SH3GL3: variants seen among roughly 807,000 people sequenced by gnomAD.
SH3GL3 encodes SH3 domain containing GRB2 like 3, endophilin A3.
SH3GL3 carries 33 observed loss-of-function variants against 47.7 expected under a neutral mutation model. That is an observed-to-expected ratio of 0.69 (90% CI 0.52 to 0.92). SH3GL3 has a LOEUF of 0.92. Among genes scored for constraint, SH3GL3 ranks in the 40% least tolerant of loss-of-function variants. The pLI is 0.00. For missense variants in SH3GL3, 363 were observed against 417.8 expected (o/e 0.87, Z 1.14); for synonymous variants, 155 against 148.8 (o/e 1.04, Z -0.30).
chr15:83,526,956 G>C (rs2151666571), intron 1 of SH3GL3, among the ~76,000 whole-genome samples: 1 of 152,136 alleles, frequency 6.6e-6, no homozygotes, highest in Admixed American at 6.5e-5. Context: ...TGTATTCCTA[G>C]GTATTTCTTT....
chr15:83,609,232 G>A (rs891066973), intron 8 of SH3GL3: 6 of 455,872 alleles, frequency 1.3e-5, no homozygotes, highest in Non-Finnish European at 2.2e-5. Context: ...ACAATGCAGC[G>A]CTGTTAATGT....
intron 3 of SH3GL3, among the ~76,000 whole-genome samples, chr15:83,566,901 C>A (rs772752186): frequency 6.6e-6 from 1 of 152,110 alleles, no homozygotes; most frequent in Non-Finnish European, 1.5e-5. Context: ...CAACCCAGAC[C>A]GATGGAATCA....
intron 8 of SH3GL3, among the ~76,000 whole-genome samples, chr15:83,599,233 G>T (rs1478079457): frequency 1.3e-5 from 2 of 152,072 alleles, no homozygotes; most frequent in African/African-American, 2.4e-5. Flanking sequence ...TGAGGAACAG[G>T]TGGTATTTGG....
At chr15:83,518,955 A>G (rs1275097468) in intron 1 of SH3GL3, among the ~76,000 whole-genome samples, 1 of 152,066 alleles carries the variant, frequency 6.6e-6, no homozygotes, top group East Asian at 1.9e-4. Flanking sequence ...ATTCTTCTGC[A>G]TGTGGCTAGC....
intron 1 of SH3GL3, among the ~76,000 whole-genome samples, chr15:83,525,363 T>TGTGC (rs932619821): frequency 2.6e-5 from 4 of 151,712 alleles, no homozygotes; most frequent in African/African-American, 9.7e-5. Context: ...TGTGTGTGTG[T>TGTGC]GTGTGTGTGT....
At chr15:83,578,620 G>A (rs2059748295) in intron 6 of SH3GL3, among the ~76,000 whole-genome samples, 1 of 151,422 alleles carries the variant, frequency 6.6e-6, no homozygotes, top group South Asian at 2.1e-4. Context: ...AAACCACTGA[G>A]GCCTGAAAAG....
chr15:83,533,740 AG>A (rs200593472), intron 1 of SH3GL3, among the ~76,000 whole-genome samples: 3,379 of 152,132 alleles, frequency 0.022, 64 homozygotes, highest in Middle Eastern at 0.054. Context: ...GGATGAAAGG[AG>A]GGGAAAGTGG....
chr15:83,485,744 G>A lies in SH3GL3; in HGVS notation c.45+38166G>A, dbSNP rs1273827990. On this transcript the variant is annotated intron_variant, in intron 1 of 8. Coordinates refer to ENST00000427482, the MANE Select transcript of SH3GL3 (RefSeq NM_003027.5). Reference sequence around the variant, plus strand: ...ACTCCTGGGCTCAAGCCATCCTCCCGCCTTGGCCTCCCAGAGTGCTGAGAT... The same window carrying A: ...ACTCCTGGGCTCAAGCCATCCTCCCACCTTGGCCTCCCAGAGTGCTGAGAT... 3.3e-5 allele frequency among the ~76,000 whole-genome samples: 5 copies of A among 152,098 alleles called. No homozygotes were observed. The East Asian group carries it at 5.8e-4, about 18-fold the overall frequency.
chr15:83,492,175 C>T (rs2036015), intron 1 of SH3GL3, among the ~76,000 whole-genome samples: 21,233 of 148,660 alleles, frequency 0.14, 1,820 homozygotes, highest in Middle Eastern at 0.21. Context: ...CCCAGCTACT[C>T]GGGAGGCTGA....
intron 8 of SH3GL3, among the ~76,000 whole-genome samples, chr15:83,598,422 A>G (rs1412156069): frequency 6.6e-6 from 1 of 152,146 alleles, no homozygotes; most frequent in Non-Finnish European, 1.5e-5. Flanking sequence ...TATTCCTCAT[A>G]ATTTCTGGTC....
At chr15:83,536,593 G>A (rs536969277) in intron 1 of SH3GL3, among the ~76,000 whole-genome samples, 1 of 151,872 alleles carries the variant, frequency 6.6e-6, no homozygotes, top group South Asian at 2.1e-4. Context: ...AGTAGAGATA[G>A]GGTTTCACCA....
intron 1 of SH3GL3, among the ~76,000 whole-genome samples, chr15:83,535,453 T>C (rs2043862710): frequency 6.6e-6 from 1 of 152,172 alleles, no homozygotes. Flanking sequence ...ATTGTCCTTA[T>C]CAGGCCTAGG....
intron 5 of SH3GL3, among the ~76,000 whole-genome samples, chr15:83,576,096 ATTGT>A (rs1425924025): frequency 3.9e-5 from 6 of 152,020 alleles, no homozygotes; most frequent in Non-Finnish European, 8.8e-5. Flanking sequence ...TTATTTCTTG[ATTGT>A]TTGGGAACTT....
intron 1 of SH3GL3, among the ~76,000 whole-genome samples, chr15:83,547,182 G>A (rs1217422602): frequency 1.3e-5 from 2 of 152,194 alleles, no homozygotes; most frequent in African/African-American, 4.8e-5. Flanking sequence ...TAGGACCCCA[G>A]AACACTTTAT....
intron 8 of SH3GL3, among the ~76,000 whole-genome samples, chr15:83,612,865 C>G (rs754530270): frequency 6.6e-6 from 1 of 152,226 alleles, no homozygotes; most frequent in Non-Finnish European, 1.5e-5. Flanking sequence ...CTCTCTCTCT[C>G]GCTCTTAAAT....
chr15:83,474,775 G>C (rs7350762), intron 1 of SH3GL3, among the ~76,000 whole-genome samples: 68,807 of 151,926 alleles, frequency 0.45, 16,134 homozygotes, highest in South Asian at 0.71. Context: ...GTGTTAATCC[G>C]TTGAAGGAGC....
chr15:83,564,772 C>T (rs1342717966), intron 2 of SH3GL3, among the ~76,000 whole-genome samples: 2 of 152,030 alleles, frequency 1.3e-5, no homozygotes, highest in Non-Finnish European at 2.9e-5. Context: ...TTCAAGTTCA[C>T]CTAGCAGATA....
chr15:83,530,275 C>T (rs1238885235), intron 1 of SH3GL3, among the ~76,000 whole-genome samples: 2 of 152,134 alleles, frequency 1.3e-5, no homozygotes, highest in African/African-American at 2.4e-5. Context: ...CTGTGCTAGT[C>T]TCAGGGCCCA....
At chr15:83,614,214 A>G (rs1014535888) in intron 8 of SH3GL3, among the ~76,000 whole-genome samples, 3 of 152,166 alleles carry the variant, frequency 2.0e-5, no homozygotes, top group Non-Finnish European at 2.9e-5. Flanking sequence ...GTTTGAAATC[A>G]TTGAATGTTG....
Sources: allele counts gnomAD v4.1 joint callset (sites outside exome capture counted in the v4.1 genomes callset), GRCh38; gene constraint gnomAD v4.1.1; transcripts MANE v1.5; gene names NCBI Gene and HGNC (gene_info 2026-07-23, HGNC 2026-07-21).